Variants in SLC14A2 observed in about 807,000 individuals in gnomAD.
SLC14A2 encodes the protein solute carrier family 14 member 2.
SLC14A2 carries 91 observed loss-of-function variants against 104.6 expected under a neutral mutation model. The ratio of observed to expected loss-of-function variants is 0.87; its 90% CI spans 0.73 to 1.04. SLC14A2 has a LOEUF of 1.04. Among genes scored for constraint, SLC14A2 ranks in the 50% least tolerant of loss-of-function variants. The probability of loss-of-function intolerance (pLI) is 0.00; values close to 1 mark genes in which losing one functional copy is unlikely to be tolerated. For missense variants in SLC14A2, 1,189 were observed against 1,156.0 expected (o/e 1.03, Z -0.41); for synonymous variants, 476 against 466.4 (o/e 1.02, Z -0.27).
At chr18:45,245,624 C>T (rs992988332) in intron 1 of SLC14A2, among the ~76,000 whole-genome samples, 1 of 152,236 alleles carries the variant, frequency 6.6e-6, no homozygotes, top group Non-Finnish European at 1.5e-5. Context: ...TGGTCACAAC[C>T]AGCCACCAAG....
intron 1 of SLC14A2, among the ~76,000 whole-genome samples, chr18:45,459,615 T>A (rs1205584880): frequency 6.6e-6 from 1 of 152,206 alleles, no homozygotes; most frequent in Non-Finnish European, 1.5e-5. Flanking sequence ...CAGCCTGCTA[T>A]TCCCGGGGCC....
chr18:45,594,024 G>A (rs936774786), intron 2 of SLC14A2, among the ~76,000 whole-genome samples: 1 of 152,188 alleles, frequency 6.6e-6, no homozygotes, highest in African/African-American at 2.4e-5. Context: ...GCACCTGCCA[G>A]AGTTTCTCAA....
chr18:45,421,930 G>T (rs1053163764), intron 1 of SLC14A2, among the ~76,000 whole-genome samples: 1 of 152,250 alleles, frequency 6.6e-6, no homozygotes, highest in African/African-American at 2.4e-5. Context: ...GGAGGAGGAG[G>T]TCTTGACTTT....
intron 1 of SLC14A2, among the ~76,000 whole-genome samples, chr18:45,356,069 G>A (rs2085551302): frequency 1.3e-5 from 2 of 152,172 alleles, no homozygotes; most frequent in South Asian, 2.1e-4. Context: ...TTGATGGGGT[G>A]TGTGAGGGAT....
intron 1 of SLC14A2, among the ~76,000 whole-genome samples, chr18:45,262,938 C>T (rs896410948): frequency 6.6e-6 from 1 of 152,238 alleles, no homozygotes; most frequent in East Asian, 1.9e-4. Context: ...TTCCCATGCA[C>T]ACTTCCTCCA....
At chr18:45,281,703 G>A (rs1466342058) in intron 1 of SLC14A2, among the ~76,000 whole-genome samples, 2 of 152,164 alleles carry the variant, frequency 1.3e-5, no homozygotes, top group African/African-American at 4.8e-5. Flanking sequence ...GTAGAACAAG[G>A]CCACTTAATG....
intron 1 of SLC14A2, among the ~76,000 whole-genome samples, chr18:45,265,196 G>A (rs923351530): frequency 3.3e-5 from 5 of 152,142 alleles, no homozygotes; most frequent in African/African-American, 7.2e-5. Flanking sequence ...AGAAGTCAGA[G>A]TAAGGCTATG....
intron 1 of SLC14A2, among the ~76,000 whole-genome samples, chr18:45,444,149 C>T (rs1333388053): frequency 2.6e-5 from 4 of 152,290 alleles, no homozygotes; most frequent in Admixed American, 6.5e-5. Flanking sequence ...GACTTTTGTG[C>T]GTGTACTGAA....
At chr18:45,525,151 AC>A (rs2043576536) in intron 2 of SLC14A2, among the ~76,000 whole-genome samples, 6 of 151,954 alleles carry the variant, frequency 3.9e-5, no homozygotes, top group Admixed American at 6.6e-5. Flanking sequence ...ACACACACAC[AC>A]ACAAAACTCT....
At chr18:45,233,910 G>A (rs1356739125) in intron 1 of SLC14A2, among the ~76,000 whole-genome samples, 1 of 151,702 alleles carries the variant, frequency 6.6e-6, no homozygotes. Context: ...TGGGCAAGGA[G>A]TGAGTTTAGA....
intron 2 of SLC14A2, among the ~76,000 whole-genome samples, chr18:45,593,809 A>G (rs570973950): frequency 7.2e-5 from 11 of 152,258 alleles, no homozygotes; most frequent in African/African-American, 2.4e-4. Context: ...AATCTTACCT[A>G]AAGGGTGAAT....
chr18:45,234,242 A>G (rs2084203686), intron 1 of SLC14A2, among the ~76,000 whole-genome samples: 3 of 152,196 alleles, frequency 2.0e-5, no homozygotes, highest in African/African-American at 7.2e-5. Flanking sequence ...TTGCCCTAAG[A>G]TATCTCCAAA....
At chr18:45,297,233 A>C (rs1599652911) in intron 1 of SLC14A2, among the ~76,000 whole-genome samples, 1 of 152,354 alleles carries the variant, frequency 6.6e-6, no homozygotes, top group Non-Finnish European at 1.5e-5. Flanking sequence ...AGGGTACAGC[A>C]ACTATTGAAA....
intron 18 of SLC14A2, among the ~76,000 whole-genome samples, chr18:45,675,709 A>ATATATATATATATAT (rs57989993): frequency 6.4e-5 from 5 of 78,388 alleles, no homozygotes; most frequent in Non-Finnish European, 1.2e-4. Context: ...ATATATATAT[A>ATATATATATATATAT]TTTTTTTTTT....
intron 1 of SLC14A2, among the ~76,000 whole-genome samples, chr18:45,412,262 T>C (rs183518972): frequency 6.6e-6 from 1 of 152,276 alleles, no homozygotes; most frequent in East Asian, 1.9e-4. Flanking sequence ...TTTTCCACAG[T>C]GAACAATGTT....
chr18:45,247,479 T>C (rs186797668), intron 1 of SLC14A2, among the ~76,000 whole-genome samples: 189 of 152,348 alleles, frequency 1.2e-3, no homozygotes, highest in Non-Finnish European at 2.4e-3. Context: ...TATTCAGATT[T>C]AGATGTGGGA....
the SLC14A2 span, among the ~76,000 whole-genome samples, chr18:45,183,108 A>G: frequency 4.6e-5 from 7 of 152,176 alleles, no homozygotes; most frequent in Non-Finnish European, 8.8e-5. Flanking sequence ...CATAAGCCCA[A>G]GTGATGATGA....
chr18:45,565,813 GTCC>G (rs1318104897), intron 2 of SLC14A2, among the ~76,000 whole-genome samples: 7 of 152,288 alleles, frequency 4.6e-5, no homozygotes, highest in African/African-American at 9.6e-5. Context: ...TGTGATGGCT[GTCC>G]TCCTCCCTCT....
chr18:45,643,116 C>G lies in SLC14A2; in HGVS notation c.1127-16C>G, dbSNP rs577038235. ...GCCCTGGGAAGCTCACTCTGGTGAT[C>G]CTTGTTCCTCCACAGCCCTGTTCTG... On this transcript the variant is annotated splice_polypyrimidine_tract_variant and intron_variant, in intron 8 of 19. Transcript: ENST00000255226. The G allele has an allele frequency of 6.2e-7, 1 of 1,613,842 alleles. No homozygotes were observed. Among genetic ancestry groups the G allele is most frequent in the African/African-American group, 1.3e-5 (1 of 75,036 alleles).
Sources: gnomAD v4.1 joint callset for allele counts (sites outside exome capture counted in the v4.1 genomes callset) on GRCh38, gnomAD v4.1.1 for gene constraint, MANE v1.5 for transcripts, NCBI Gene and HGNC (gene_info 2026-07-23, HGNC 2026-07-21) for gene names.